The following CDK8 variants were observed in gnomAD, a reference collection of about 807,000 sequenced individuals.
CDK8 encodes cyclin dependent kinase 8, also known as cyclin-dependent kinase 8.
In CDK8, 29 loss-of-function variants were observed where a neutral mutation model predicts 71.5. The ratio of observed to expected loss-of-function variants is 0.41; its 90% CI spans 0.30 to 0.55. The LOEUF is 0.55. Ranked by LOEUF, CDK8 falls within the 20% of genes least tolerant of loss-of-function variation. CDK8 has a pLI of 0.37. For missense variants in CDK8, 288 were observed against 572.6 expected (o/e 0.50, Z 5.07); for synonymous variants, 161 against 192.1 (o/e 0.84, Z 1.34).
chr13:26,351,515 A>G (rs889689654), intron 3 of CDK8, among the ~76,000 whole-genome samples: 5 of 152,194 alleles, frequency 3.3e-5, no homozygotes, highest in African/African-American at 1.2e-4. Flanking sequence ...AGGCTGGTTT[A>G]TAAACAAGAT....
At position 26,254,833 on chromosome 13, in the gene CDK8, G is replaced by C; in HGVS notation, c.128+64G>C. 4 of 1,582,248 alleles carry C rather than the reference G, an allele frequency of 2.5e-6. No homozygotes were observed. In the South Asian group the frequency reaches 4.5e-5, roughly 18 times the overall value. ...GCGCTCCCGCAGGCCGAGGCAGGTAGCCCGGAGGGAGAGCGGGCCGCCGGG... is the reference window on the plus strand; with the variant it reads ...GCGCTCCCGCAGGCCGAGGCAGGTACCCCGGAGGGAGAGCGGGCCGCCGGG... On this transcript the variant is annotated intron_variant, in intron 1 of 12. Coordinates refer to ENST00000381527, the MANE Select transcript of CDK8 (RefSeq NM_001260.3). This position sits in a 1 kb window ranked among gnomAD's most constrained non-coding sequence, Gnocchi z 6.7.
chr13:26,272,314 AAAAAG>A (rs1872367691), intron 1 of CDK8, among the ~76,000 whole-genome samples: 1 of 151,822 alleles, frequency 6.6e-6, no homozygotes, highest in African/African-American at 2.4e-5. Context: ...TTTTTTAAAG[AAAAAG>A]AAAAAAAAGT....
At chr13:26,377,278 C>T (rs1874999141) in intron 4 of CDK8, among the ~76,000 whole-genome samples, 1 of 152,208 alleles carries the variant, frequency 6.6e-6, no homozygotes, top group Non-Finnish European at 1.5e-5. Context: ...CTCTGTTCCT[C>T]AGATGCCAGG....
chr13:26,348,541 C>T (rs993488149), intron 2 of CDK8, among the ~76,000 whole-genome samples: 1 of 152,094 alleles, frequency 6.6e-6, no homozygotes, highest in Non-Finnish European at 1.5e-5. Flanking sequence ...CATCTTGAAA[C>T]CATCCACCAT....
chr13:26,400,339 ATATTTTCCAAATTGTGATGT>A, intron 9 of CDK8, 94 bp from the exon 10 acceptor site: 1 of 686,484 alleles, frequency 1.5e-6, no homozygotes, highest in Non-Finnish European at 2.6e-6. Flanking sequence ...GGGGGAATAA[ATATTTTCCAAATTGTGATGT>A]TATTCACCAA....
intron 1 of CDK8, among the ~76,000 whole-genome samples, chr13:26,331,312 G>C (rs79059121): frequency 0.058 from 8,774 of 151,888 alleles, 833 homozygotes; most frequent in African/African-American, 0.2. Flanking sequence ...TCTCCTGTTG[G>C]GCTGTTTGAG....
intron 4 of CDK8, among the ~76,000 whole-genome samples, chr13:26,371,079 A>G (rs947912570): frequency 6.6e-6 from 1 of 152,142 alleles, no homozygotes; most frequent in African/African-American, 2.4e-5. Flanking sequence ...TTATCCAATC[A>G]TGCATGAGTC....
In CDK8 at chr13:26,257,748, G is replaced by A. The variant is rs1871586308; in HGVS notation, c.128+2979G>A. On this transcript the variant is annotated intron_variant, in intron 1 of 12. Transcript: ENST00000381527. ...CTAGACTTCAATATTTGCACTGAAT[G>A]TTTGGATAATTTAAAATATCAATTT... is the stretch of plus-strand genomic sequence containing the variant. Among the ~76,000 whole-genome samples the A allele has an allele frequency of 2.0e-5, 3 of 152,164 alleles. No individual in the cohort carries two copies. In the South Asian group the frequency reaches 6.2e-4, roughly 31 times the overall value.
At chr13:26,367,503 A>G (rs529945999) in intron 4 of CDK8, among the ~76,000 whole-genome samples, 2 of 152,258 alleles carry the variant, frequency 1.3e-5, no homozygotes, top group South Asian at 4.2e-4. Flanking sequence ...GGGAAGCATT[A>G]ACCTGTCTGT....
At chr13:26,278,740 T>C (rs1872640283) in intron 1 of CDK8, among the ~76,000 whole-genome samples, 1 of 152,204 alleles carries the variant, frequency 6.6e-6, no homozygotes, top group South Asian at 2.1e-4. Context: ...TTTGGGATAA[T>C]TTGAACATTA....
At chr13:26,375,480 A>T (rs1055410947) in intron 4 of CDK8, among the ~76,000 whole-genome samples, 3 of 152,230 alleles carry the variant, frequency 2.0e-5, no homozygotes, top group Non-Finnish European at 2.9e-5. Context: ...ATGCAAAATG[A>T]TTCAACACCT....
At chr13:26,265,933 G>A (rs180821363) in intron 1 of CDK8, among the ~76,000 whole-genome samples, 8 of 152,308 alleles carry the variant, frequency 5.3e-5, no homozygotes, top group Admixed American at 3.9e-4. Flanking sequence ...ATAGGAAGCT[G>A]TGGTTAGGAG....
intron 1 of CDK8, among the ~76,000 whole-genome samples, chr13:26,279,806 TTA>T (rs1227744959): frequency 3.9e-5 from 6 of 152,188 alleles, no homozygotes; most frequent in African/African-American, 1.4e-4. Flanking sequence ...TTTGGGGGTG[TTA>T]TATAAATGAT....
At chr13:26,392,216 T>A (rs1541040) in intron 6 of CDK8, among the ~76,000 whole-genome samples, 141,173 of 152,228 alleles carry the variant, frequency 0.93, 65,516 homozygotes, top group East Asian at 1. Flanking sequence ...CAAATTTAAT[T>A]TGAATGAAAG....
chr13:26,343,775 CT>C (rs1184541285), intron 2 of CDK8, among the ~76,000 whole-genome samples: 1 of 152,100 alleles, frequency 6.6e-6, no homozygotes, highest in Admixed American at 6.5e-5. Flanking sequence ...TTTACTGTAA[CT>C]TTTTTACATT....
At chr13:26,363,299 G>C (rs916924173) in intron 4 of CDK8, among the ~76,000 whole-genome samples, 7 of 100,360 alleles carry the variant, frequency 7.0e-5, no homozygotes, top group Middle Eastern at 0.013. Flanking sequence ...CTGCACTCCA[G>C]CCTGGGTGAC....
At chr13:26,355,096 A>T (rs1873838581) in intron 4 of CDK8, among the ~76,000 whole-genome samples, 1 of 152,162 alleles carries the variant, frequency 6.6e-6, no homozygotes, top group South Asian at 2.1e-4. Context: ...AATTTAGTGG[A>T]TTTAGTCTCT....
chr13:26,318,622 A>G (rs1874622736), intron 1 of CDK8, among the ~76,000 whole-genome samples: 2 of 152,222 alleles, frequency 1.3e-5, no homozygotes, highest in Admixed American at 1.3e-4. Context: ...GTTTATTATT[A>G]CCTTTTATTC....
chr13:26,259,516 G>T (rs899043405), intron 1 of CDK8, among the ~76,000 whole-genome samples: 7 of 152,194 alleles, frequency 4.6e-5, no homozygotes, highest in South Asian at 2.1e-4. Flanking sequence ...TTGAGCATCT[G>T]TGGATTTTGG....
Sources: gnomAD v4.1 joint callset for allele counts (sites outside exome capture counted in the v4.1 genomes callset) on GRCh38, gnomAD v4.1.1 for gene constraint, Gnocchi (gnomAD v3.1) non-coding constraint, MANE v1.5 for transcripts, NCBI Gene and HGNC (gene_info 2026-07-23, HGNC 2026-07-21) for gene names.